SDK1: variants seen among roughly 807,000 people sequenced by gnomAD.
SDK1 encodes the protein protein sidekick-1.
SDK1 carries 157 observed loss-of-function variants against 245.5 expected under a neutral mutation model. The ratio of observed to expected loss-of-function variants is 0.64; its 90% CI spans 0.56 to 0.73. The LOEUF (loss-of-function observed/expected upper bound fraction) is 0.73. Ranked by LOEUF, SDK1 falls within the 30% of genes least tolerant of loss-of-function variation. The pLI is 0.00. For synonymous variants in SDK1, 1,647 were observed against 1,278.5 expected, an observed-to-expected ratio of 1.29 and a Z score of -6.15; for missense variants, 3,583 against 3,002.3, an observed-to-expected ratio of 1.19 and a Z score of -4.52.
At chr7:4,154,652 G>T (rs1780607834) in intron 30 of SDK1, among the ~76,000 whole-genome samples, 1 of 152,152 alleles carries the variant, frequency 6.6e-6, no homozygotes, top group Non-Finnish European at 1.5e-5. Context: ...ATGCGTGATG[G>T]GATGTCATTT....
intron 4 of SDK1, among the ~76,000 whole-genome samples, chr7:3,780,873 C>G (rs1207415339): frequency 1.3e-5 from 2 of 152,098 alleles, no homozygotes; most frequent in Non-Finnish European, 2.9e-5. Context: ...ACTCCCAGCT[C>G]CACAGATTTC....
rs189248036 is a variant in SDK1 at position 3,311,526 on chromosome 7, A to C, written c.298+9642A>C. The stretch of plus-strand genomic sequence containing the variant: ...AGGCATTTGAAATGCATAGTGACAA[A>C]AATGATCTTAAAATACCTTGGGAAT... On this transcript the variant is annotated intron_variant, in intron 1 of 44. Transcript: ENST00000404826. Among the ~76,000 whole-genome samples the C allele has an allele frequency of 9.9e-4, 151 of 152,346 alleles. 1 individual carries two copies. Among genetic ancestry groups the C allele is most frequent in the African/African-American group, 3.6e-3 (149 of 41,576 alleles).
chr7:3,593,673 T>C (rs1235013768), intron 1 of SDK1, among the ~76,000 whole-genome samples: 1 of 152,160 alleles, frequency 6.6e-6, no homozygotes, highest in African/African-American at 2.4e-5. Flanking sequence ...TGATGGATGA[T>C]TCCCCTCCAA....
rs1399619567 is a variant in SDK1, at chr7:3,811,405, G to C, written c.714-10045G>C. Reference sequence around the variant, plus strand: ...GTGATCATCTTGTTCTGGTAGAAAAGTGAGGTGTCTTCTCTGCAGACCACA... The same window carrying C: ...GTGATCATCTTGTTCTGGTAGAAAACTGAGGTGTCTTCTCTGCAGACCACA... On this transcript the variant is annotated intron_variant, in intron 4 of 44. Coordinates refer to ENST00000404826, the MANE Select transcript of SDK1 (RefSeq NM_152744.4). 3.9e-5 allele frequency among the ~76,000 whole-genome samples: 6 copies of C among 152,330 alleles called. No individual in the cohort carries two copies. The South Asian group carries it at 8.3e-4, about 21-fold the overall frequency.
rs1271997275 is a variant in SDK1 at position 4,208,043 on chromosome 7, C to T, written c.5215-56C>T. On this transcript the variant is annotated intron_variant, in intron 36 of 44. Coordinates refer to ENST00000404826, the MANE Select transcript of SDK1 (RefSeq NM_152744.4). ...GCTTTGACCTTACACTCAGTGGCCCCCGCTTACTGGAAGGCTTCCCCAGGA... is the reference window on the plus strand; with the variant it reads ...GCTTTGACCTTACACTCAGTGGCCCTCGCTTACTGGAAGGCTTCCCCAGGA... The T allele has an allele frequency of 2.2e-6, 3 of 1,378,098 alleles. No individual in the cohort carries two copies. In the East Asian group the frequency reaches 6.9e-5, roughly 32 times the overall value. 85.4% of individuals were successfully genotyped at this position (1,378,098 alleles called of 1,614,324 possible).
chr7:3,428,708 A>G lies in SDK1; in HGVS notation c.298+126824A>G, dbSNP rs560784345. Among the ~76,000 whole-genome samples the G allele has an allele frequency of 2.6e-5, 4 of 152,322 alleles. No individual in the cohort carries two copies. In the South Asian group the frequency reaches 6.2e-4, roughly 24 times the overall value. ...AAAAATCCAATTATTGTAAAGAGCT[A>G]CTCAAAGCTAGCAACATACCTGACC... On this transcript the variant is annotated intron_variant, in intron 1 of 44. Transcript: ENST00000404826.
intron 32 of SDK1, among the ~76,000 whole-genome samples, chr7:4,169,048 G>A (rs1781673183): frequency 1.3e-5 from 2 of 152,132 alleles, no homozygotes; most frequent in Non-Finnish European, 2.9e-5. Context: ...AGAGCCATTA[G>A]CGGGGACCTG....
At chr7:3,939,884 C>T (rs750986227) in intron 5 of SDK1, among the ~76,000 whole-genome samples, 5 of 152,132 alleles carry the variant, frequency 3.3e-5, no homozygotes, top group African/African-American at 4.8e-5. Flanking sequence ...TCACGTAGTC[C>T]CAAAGGCAAT....
intron 27 of SDK1, among the ~76,000 whole-genome samples, chr7:4,130,746 C>T (rs1784756090): frequency 6.6e-6 from 1 of 152,168 alleles, no homozygotes; most frequent in Non-Finnish European, 1.5e-5. Flanking sequence ...AGATGTCAAA[C>T]ACATAAAGGT....
intron 1 of SDK1, among the ~76,000 whole-genome samples, chr7:3,494,783 G>T (rs1262830677): frequency 2.0e-5 from 3 of 152,148 alleles, no homozygotes; most frequent in African/African-American, 7.2e-5. Context: ...TCACCTCATT[G>T]GTTGATTATG....
chr7:3,479,879 T>G (rs1381955846), intron 1 of SDK1, among the ~76,000 whole-genome samples: 1 of 151,868 alleles, frequency 6.6e-6, no homozygotes, highest in Non-Finnish European at 1.5e-5. Context: ...AAAAAAAATT[T>G]TTTTTTTCAT....
intron 4 of SDK1, among the ~76,000 whole-genome samples, chr7:3,709,655 G>C (rs1784985109): frequency 6.6e-6 from 1 of 152,148 alleles, no homozygotes; most frequent in Non-Finnish European, 1.5e-5. Flanking sequence ...TTCTTTCCAA[G>C]GGGGAGACGC....
At chr7:3,339,430 T>C (rs1441216796) in intron 1 of SDK1, among the ~76,000 whole-genome samples, 1 of 152,166 alleles carries the variant, frequency 6.6e-6, no homozygotes, top group Non-Finnish European at 1.5e-5. Context: ...ACTTACACAA[T>C]TGACCAACAG....
intron 1 of SDK1, among the ~76,000 whole-genome samples, chr7:3,402,510 A>T (rs544040655): frequency 6.6e-5 from 10 of 152,320 alleles, no homozygotes; most frequent in African/African-American, 2.4e-4. Context: ...AAATTATTTG[A>T]ATGTTATCAA....
At chr7:4,170,412 A>C (rs1195651287) in intron 32 of SDK1, among the ~76,000 whole-genome samples, 1 of 151,928 alleles carries the variant, frequency 6.6e-6, no homozygotes, top group Admixed American at 6.6e-5. Context: ...GCACCCCTGC[A>C]CTCCAGCCTG....
chr7:3,962,743 G>A lies in SDK1; in HGVS notation c.1321G>A (p.Gly441Arg), dbSNP rs139796765. The change falls in exon 9 of 45, where the codon GGA becomes AGA. Residue 441 changes from glycine to arginine, a missense_variant. By Grantham distance (125) the Gly-to-Arg change is moderately radical. Coordinates refer to ENST00000404826, the MANE Select transcript of SDK1 (RefSeq NM_152744.4). ...QNPRYKVLAS[G>R]GLRIQKLRPE... ...TCCTCGATACAAAGTGCTCGCCAGC[G>A]GAGGCCTGCGCATCCAGAAGCTGCG... The A allele has an allele frequency of 0.012, 19,943 of 1,613,650 alleles. 187 individuals are homozygous for A. Among genetic ancestry groups the A allele is most frequent in the Non-Finnish European group, 0.013 (14,915 of 1,179,846 alleles).
chr7:3,444,684 A>C (rs1780294708), intron 1 of SDK1, among the ~76,000 whole-genome samples: 1 of 152,096 alleles, frequency 6.6e-6, no homozygotes, highest in Non-Finnish European at 1.5e-5. Context: ...CAGTTGTTAG[A>C]TTGCTGTCCT....
intron 44 of SDK1, among the ~76,000 whole-genome samples, chr7:4,261,146 A>C (rs533854476): frequency 1.2e-3 from 185 of 152,272 alleles, no homozygotes; most frequent in African/African-American, 4.2e-3. Flanking sequence ...GTTTCTGCAC[A>C]GCCTGGAGGC....
intron 1 of SDK1, among the ~76,000 whole-genome samples, chr7:3,532,765 G>A (rs1002083332): frequency 3.3e-5 from 5 of 152,162 alleles, no homozygotes; most frequent in Admixed American, 1.3e-4. Context: ...TGCATTCGAA[G>A]GGTGACTAAA....
Sources: allele counts gnomAD v4.1 joint callset (sites outside exome capture counted in the v4.1 genomes callset), GRCh38; gene constraint gnomAD v4.1.1; transcripts MANE v1.5; gene names NCBI Gene and HGNC (gene_info 2026-07-23, HGNC 2026-07-21).